FGF14: variants seen among roughly 807,000 people sequenced by gnomAD.
FGF14 encodes fibroblast growth factor homologous factor 4.
A neutral mutation model predicts 25.5 loss-of-function variants in FGF14; 5 were observed. That is an observed-to-expected ratio of 0.20 (90% CI 0.10 to 0.41). The LOEUF is 0.41. Ranked by LOEUF, FGF14 falls within the 10% of genes least tolerant of loss-of-function variation. The probability of loss-of-function intolerance (pLI) is 1.00; values close to 1 mark genes in which losing one functional copy is unlikely to be tolerated. For missense variants in FGF14, 222 were observed against 320.1 expected (o/e 0.69, Z 2.34); for synonymous variants, 138 against 118.3 (o/e 1.17, Z -1.08).
At chr13:102,240,269 A>G (rs1006897532) in intron 1 of FGF14, among the ~76,000 whole-genome samples, 6 of 152,212 alleles carry the variant, frequency 3.9e-5, no homozygotes, top group Admixed American at 3.3e-4. Context: ...AATTCAAAAC[A>G]GAATATAAAG....
At chr13:101,772,637 C>A (rs187065437) in intron 3 of FGF14, among the ~76,000 whole-genome samples, 1 of 152,120 alleles carries the variant, frequency 6.6e-6, no homozygotes, top group East Asian at 1.9e-4. Context: ...GCACATATTG[C>A]AACCCAAATA....
intron 1 of FGF14, among the ~76,000 whole-genome samples, chr13:102,256,041 A>G (rs1441730541): frequency 2.0e-5 from 3 of 152,188 alleles, no homozygotes; most frequent in Admixed American, 6.5e-5. Flanking sequence ...AAAGTACCCA[A>G]GACCACTCAG....
At chr13:101,907,542 G>C (rs2032398312) in intron 1 of FGF14, among the ~76,000 whole-genome samples, 1 of 152,094 alleles carries the variant, frequency 6.6e-6, no homozygotes, top group Admixed American at 6.6e-5. Context: ...TGCAGGTCAT[G>C]GGTGACCGTG....
intron 1 of FGF14, among the ~76,000 whole-genome samples, chr13:102,356,948 T>TATATATATAC (rs1262647370): frequency 1.3e-4 from 19 of 148,432 alleles, no homozygotes; most frequent in African/African-American, 4.2e-4. Context: ...TATATATATA[T>TATATATATAC]ACACACAAAC....
rs144149049 is a variant in FGF14 at position 101,879,743 on chromosome 13, T to C, written c.194-4447A>G. Among the ~76,000 whole-genome samples, 664 of 126,324 alleles carry C rather than the reference T, an allele frequency of 5.3e-3. 10 individuals are homozygous for C. The highest frequency in any genetic ancestry group is 0.035 in the Admixed American group (478 of 13,490). The allele number at this position is 126,324 out of a possible 152,430, so 82.9% of individuals were successfully genotyped here. ...AGGTTCTTAAACGTAAGTTCTCTTC[T>C]ATTAGCTATGGAAAAAATCACACAT... is the stretch of plus-strand genomic sequence containing the variant. On this transcript the variant is annotated intron_variant, in intron 1 of 4. Coordinates refer to ENST00000376143, the MANE Select transcript of FGF14 (RefSeq NM_004115.4).
chr13:101,953,124 T>C (rs2139404061), intron 1 of FGF14, among the ~76,000 whole-genome samples: 1 of 152,312 alleles, frequency 6.6e-6, no homozygotes, highest in Middle Eastern at 3.4e-3. Context: ...GCTTTATTAC[T>C]TTACAATCTC....
rs370882296 is a variant in FGF14, at chr13:102,084,326, TG to T, written c.209-209031del. ...TCAACTCCATTTTGGTAAGATGTTT[TG>T]GTCTATTTTGGGTCACAGTCATATG... On this transcript the variant is annotated intron_variant, in intron 1 of 4. Coordinates refer to the FGF14 transcript ENST00000376131. Among the ~76,000 whole-genome samples the T allele has an allele frequency of 1.3e-4, 20 of 152,340 alleles. No homozygotes were observed. In the East Asian group the frequency reaches 3.5e-3, roughly 26 times the overall value.
At chr13:102,267,835 CAG>C (rs2053063433) in intron 1 of FGF14, among the ~76,000 whole-genome samples, 4 of 151,936 alleles carry the variant, frequency 2.6e-5, no homozygotes, top group African/African-American at 9.7e-5. Context: ...TCAAAGCAGA[CAG>C]AAATTGTATA....
Position 101,925,688 on chromosome 13 carries a change from T to A in FGF14, c.209-50392A>T, listed in dbSNP as rs1594747210. 2.6e-5 allele frequency among the ~76,000 whole-genome samples: 4 copies of A among 152,304 alleles called. No individual in the cohort carries two copies. The South Asian group carries it at 8.3e-4, about 32-fold the overall frequency. On this transcript the variant is annotated intron_variant, in intron 1 of 4. Transcript: ENST00000376131. ...AACTGCTAAAAATATAGATCTTAAA[T>A]TATTCCCGAGTCTTTCTCAGTAACC...
intron 3 of FGF14, among the ~76,000 whole-genome samples, chr13:101,838,312 T>G (rs1242182193): frequency 6.6e-6 from 1 of 151,950 alleles, no homozygotes; most frequent in Non-Finnish European, 1.5e-5. Context: ...CTCGGTTTCG[T>G]TCTGTGATGT....
chr13:102,156,933 A>C (rs961445435), intron 1 of FGF14, among the ~76,000 whole-genome samples: 2 of 152,244 alleles, frequency 1.3e-5, no homozygotes, highest in Non-Finnish European at 2.9e-5. Context: ...TAAAATACTT[A>C]GGAATCCAAC....
chr13:102,317,768 G>T (rs898586226), intron 1 of FGF14, among the ~76,000 whole-genome samples: 9 of 152,014 alleles, frequency 5.9e-5, no homozygotes, highest in African/African-American at 2.2e-4. Context: ...GTGACAACTT[G>T]CCTGCTTGGC....
chr13:101,929,072 A>T (rs2034567577), intron 1 of FGF14, among the ~76,000 whole-genome samples: 1 of 152,210 alleles, frequency 6.6e-6, no homozygotes, highest in Non-Finnish European at 1.5e-5. Flanking sequence ...TAATGCGTCT[A>T]TTGAGCGCTA....
chr13:101,720,247 C>A lies in FGF14; in HGVS notation c.*2584G>T, dbSNP rs1329684956. ...CCTCTTCCCATGCTACAGGTGAGAC[C>A]AGACACAAAGTAAATGACCTAACTC... On this transcript the variant is annotated 3_prime_UTR_variant, in exon 5 of 5. Coordinates refer to ENST00000376143, the MANE Select transcript of FGF14 (RefSeq NM_004115.4). 2 of 151,948 alleles carry A rather than the reference C, an allele frequency of 1.3e-5. No individual in the cohort carries two copies. The highest frequency in any genetic ancestry group is 2.9e-5 in the Non-Finnish European group (2 of 67,982). The allele number at this position is 151,948 out of a possible 1,614,324, so 9.4% of individuals were successfully genotyped here.
chr13:102,038,179 C>T (rs1465964476), intron 1 of FGF14, among the ~76,000 whole-genome samples: 1 of 152,148 alleles, frequency 6.6e-6, no homozygotes. Flanking sequence ...ATCATAAATC[C>T]ATTCTAAAGC....
intron 1 of FGF14, among the ~76,000 whole-genome samples, chr13:101,944,775 A>G (rs896627688): frequency 3.3e-5 from 5 of 152,200 alleles, no homozygotes; most frequent in Admixed American, 6.5e-5. Flanking sequence ...TAAGTGGAAT[A>G]AGCCAGTCAC....
chr13:102,360,957 T>C (rs1057302079), intron 1 of FGF14, among the ~76,000 whole-genome samples: 8 of 152,156 alleles, frequency 5.3e-5, no homozygotes, highest in African/African-American at 1.9e-4. Flanking sequence ...AGGGATTAGA[T>C]TGCTGTATCA....
At chr13:102,224,889 C>T (rs1016267919) in intron 1 of FGF14, among the ~76,000 whole-genome samples, 15 of 152,108 alleles carry the variant, frequency 9.9e-5, no homozygotes, top group African/African-American at 3.4e-4. Flanking sequence ...TGAACTGCAA[C>T]CTCGTCCTCA....
chr13:101,740,165 G>A (rs1243369890), intron 3 of FGF14, among the ~76,000 whole-genome samples: 1 of 152,156 alleles, frequency 6.6e-6, no homozygotes, highest in Non-Finnish European at 1.5e-5. Flanking sequence ...CTCAGATTTT[G>A]AGGCAGTAGC....
Sources: allele counts gnomAD v4.1 joint callset (sites outside exome capture counted in the v4.1 genomes callset), GRCh38; gene constraint gnomAD v4.1.1; transcripts MANE v1.5; gene names NCBI Gene and HGNC (gene_info 2026-07-23, HGNC 2026-07-21).